Variants in CLYBL observed in about 807,000 individuals in gnomAD.
CLYBL encodes citramalyl-CoA lyase, also known as citramalyl-CoA lyase, mitochondrial.
Under a neutral mutation model 38.9 loss-of-function variants are expected in CLYBL, and 31 were observed. That is an observed-to-expected ratio of 0.80 (90% confidence interval 0.60 to 1.08). The LOEUF (loss-of-function observed/expected upper bound fraction) is 1.08. CLYBL is among the 50% of genes least tolerant of loss of function. The pLI is 0.00. For synonymous variants in CLYBL, 171 were observed against 158.6 expected (o/e 1.08, Z -0.59); for missense variants, 434 against 411.6 (o/e 1.05, Z -0.47).
At chr13:99,867,524 G>A (rs2051778707) in intron 6 of CLYBL, among the ~76,000 whole-genome samples, 2 of 151,988 alleles carry the variant, frequency 1.3e-5, no homozygotes, top group Non-Finnish European at 2.9e-5. Flanking sequence ...TTAAATAAGT[G>A]TGATCTCGTA....
rs1021006999 is a variant in CLYBL at position 99,731,511 on chromosome 13, A to G, written c.63-41313A>G. ...ACTGCAGCTGCTTATATTAAAAAAA[A>G]AAAAAAGGCCAAAGAATGCCTCAAA... On this transcript the variant is annotated intron_variant, in intron 1 of 8. Coordinates refer to ENST00000339105, the MANE Select transcript of CLYBL (RefSeq NM_206808.5). 4.2e-4 allele frequency among the ~76,000 whole-genome samples: 64 copies of G among 152,192 alleles called. 1 individual carries two copies. In the East Asian group the frequency reaches 0.012, roughly 28 times the overall value.
chr13:99,710,473 C>T (rs1269256040), intron 1 of CLYBL, among the ~76,000 whole-genome samples: 1 of 152,032 alleles, frequency 6.6e-6, no homozygotes, highest in Non-Finnish European at 1.5e-5. Context: ...TTCAGTGGTC[C>T]TTGTCATTGA....
At chr13:99,878,259 G>GA (rs1288675394) in intron 7 of CLYBL, among the ~76,000 whole-genome samples, 1 of 152,218 alleles carries the variant, frequency 6.6e-6, no homozygotes, top group Non-Finnish European at 1.5e-5. Context: ...ATTGTGCTTT[G>GA]AAAAAATGTA....
chr13:99,871,021 G>T lies in CLYBL; in HGVS notation c.886G>T (p.Glu296Ter). ...CCCTGAAAAAATTAAGTGGGCTGAAGAACTGATTGCTGCCTTTAAAGAACA... is the reference window on the plus strand; with the variant it reads ...CCCTGAAAAAATTAAGTGGGCTGAATAACTGATTGCTGCCTTTAAAGAACA... ...PSPEKIKWAEELIAAFKEHQQ... is the reference protein window; with the variant it reads ...PSPEKIKWAE The change falls in exon 7 of 9, where the codon GAA becomes TAA. Residue 296 changes from glutamate (E) to a stop codon, truncating the protein, a stop_gained. Coordinates refer to ENST00000339105, the MANE Select transcript of CLYBL (RefSeq NM_206808.5). LOFTEE classifies it high-confidence loss of function. 6.2e-7 allele frequency: 1 copy of T among 1,614,006 alleles called. No homozygotes were observed. The highest frequency in any genetic ancestry group is 2.2e-5 in the East Asian group (1 of 44,874).
chr13:99,791,360 TA>T (rs57869213), intron 2 of CLYBL, among the ~76,000 whole-genome samples: 91,546 of 146,492 alleles, frequency 0.62, 28,583 homozygotes, highest in African/African-American at 0.78. Flanking sequence ...GTGTCTTTTT[TA>T]AAAAAAAAAC....
intron 1 of CLYBL, among the ~76,000 whole-genome samples, chr13:99,709,579 G>C (rs982866870): frequency 3.9e-5 from 6 of 152,128 alleles, no homozygotes; most frequent in African/African-American, 1.4e-4. Flanking sequence ...GAAGTTCCCT[G>C]GCTGTTTCAT....
chr13:99,817,289 C>CGAGAGGAGAGGAGACGAAAG (rs2050470402), intron 2 of CLYBL, among the ~76,000 whole-genome samples: 1 of 150,956 alleles, frequency 6.6e-6, no homozygotes, highest in African/African-American at 2.4e-5. Flanking sequence ...GGAAAGGAGA[C>CGAGAGGAGAGGAGACGAAAG]GAGAGGAGAG....
chr13:99,792,855 G>T (rs1017033379), intron 2 of CLYBL, among the ~76,000 whole-genome samples: 1 of 151,996 alleles, frequency 6.6e-6, no homozygotes, highest in African/African-American at 2.4e-5. Flanking sequence ...AGAAAGAAAC[G>T]CCCAATATCA....
intron 2 of CLYBL, among the ~76,000 whole-genome samples, chr13:99,843,012 C>T (rs372118349): frequency 6.6e-6 from 1 of 152,136 alleles, no homozygotes; most frequent in African/African-American, 2.4e-5. Flanking sequence ...TTGAGTCAAG[C>T]ACTATTCTTA....
intron 1 of CLYBL, among the ~76,000 whole-genome samples, chr13:99,710,081 A>C (rs1235830940): frequency 2.0e-5 from 3 of 151,696 alleles, no homozygotes; most frequent in East Asian, 1.9e-4. Flanking sequence ...CCCGCCACCA[A>C]GCCCGGCTAA....
chr13:99,659,527 C>T (rs1364624312), intron 1 of CLYBL, among the ~76,000 whole-genome samples: 3 of 152,134 alleles, frequency 2.0e-5, no homozygotes, highest in Non-Finnish European at 4.4e-5. Flanking sequence ...AATTTTTTGA[C>T]ACCCCCTTTT....
At chr13:99,751,736 G>A (rs1002674068) in intron 1 of CLYBL, among the ~76,000 whole-genome samples, 1 of 152,144 alleles carries the variant, frequency 6.6e-6, no homozygotes, top group African/African-American at 2.4e-5. Flanking sequence ...GGAGATAGAT[G>A]GTGGTGGTGA....
chr13:99,645,232 C>T (rs898909535), intron 1 of CLYBL, among the ~76,000 whole-genome samples: 2 of 152,192 alleles, frequency 1.3e-5, no homozygotes, highest in African/African-American at 4.8e-5. Context: ...TGCAGTGGCT[C>T]ACGCCTGTAA....
chr13:99,822,499 G>A (rs1475449112), intron 2 of CLYBL, among the ~76,000 whole-genome samples: 1 of 152,168 alleles, frequency 6.6e-6, no homozygotes, highest in Non-Finnish European at 1.5e-5. Flanking sequence ...ACTTAAAAGA[G>A]CCATGCTCAA....
intron 1 of CLYBL, chr13:99,690,284 G>C (rs539721221): frequency 2.8e-4 from 42 of 152,330 alleles, no homozygotes; most frequent in African/African-American, 9.9e-4. Flanking sequence ...TAAGCATTCA[G>C]AGTTCTTTGC....
chr13:99,891,576 G>A (rs983259151), intron 8 of CLYBL, 139 bp downstream of exon 8: 4 of 544,378 alleles, frequency 7.3e-6, no homozygotes, highest in Non-Finnish European at 1.3e-5. Flanking sequence ...TCACTGGCCA[G>A]TTATTCCCCT....
At chr13:99,683,599 T>A (rs556738886) in intron 1 of CLYBL, among the ~76,000 whole-genome samples, 54 of 152,016 alleles carry the variant, frequency 3.6e-4, no homozygotes, top group Admixed American at 1.8e-3. Flanking sequence ...TCAATATTAC[T>A]GTCTTCCACC....
intron 1 of CLYBL, among the ~76,000 whole-genome samples, chr13:99,742,847 A>C (rs1390748456): frequency 6.6e-6 from 1 of 152,120 alleles, no homozygotes; most frequent in Non-Finnish European, 1.5e-5. Flanking sequence ...TGGGACAGGG[A>C]CTGTTTGGTT....
At chr13:99,904,453 G>GTTGA (rs1310335498) in intron 8 of CLYBL, among the ~76,000 whole-genome samples, 1 of 152,208 alleles carries the variant, frequency 6.6e-6, no homozygotes, top group East Asian at 1.9e-4. Flanking sequence ...ATAAGGAAGA[G>GTTGA]TTGATTGATT....
Sources: allele counts gnomAD v4.1 joint callset (sites outside exome capture counted in the v4.1 genomes callset), GRCh38; gene constraint gnomAD v4.1.1; transcripts MANE v1.5; gene names NCBI Gene and HGNC (gene_info 2026-07-23, HGNC 2026-07-21).